The following RXRA variants were observed in gnomAD, a reference collection of about 807,000 sequenced individuals.
The protein encoded by RXRA is retinoic acid receptor RXR-alpha.
Under a neutral mutation model 44.5 loss-of-function variants are expected in RXRA, and 5 were observed. That is an observed-to-expected ratio of 0.11 (90% CI 0.06 to 0.24). The LOEUF (loss-of-function observed/expected upper bound fraction) is 0.24, where lower values mean the gene tolerates loss of function less well. RXRA is among the 10% of genes least tolerant of loss of function. The probability of loss-of-function intolerance (pLI) is 1.00; values close to 1 mark genes in which losing one functional copy is unlikely to be tolerated. For missense variants in RXRA, 412 were observed against 646.5 expected (o/e 0.64, Z 3.93); for synonymous variants, 291 against 271.4 (o/e 1.07, Z -0.71).
At chr9:134,414,124 C>T (rs558722029) in intron 4 of RXRA, among the ~76,000 whole-genome samples, 2 of 152,374 alleles carry the variant, frequency 1.3e-5, no homozygotes, top group South Asian at 2.1e-4. Context: ...ATAAATAAAG[C>T]GATCATATTT....
intron 6 of RXRA, among the ~76,000 whole-genome samples, chr9:134,428,428 C>A (rs955758773): frequency 7.1e-6 from 1 of 140,494 alleles, no homozygotes; most frequent in African/African-American, 2.7e-5. Flanking sequence ...CCCCAGGGAA[C>A]CCCCACTATG....
chr9:134,419,586 C>T (rs536292536), intron 5 of RXRA, among the ~76,000 whole-genome samples: 6 of 152,354 alleles, frequency 3.9e-5, no homozygotes, highest in South Asian at 2.1e-4. Flanking sequence ...CCCAGCGTCA[C>T]GGTCCTGGTG....
At chr9:134,350,587 C>T (rs1380168695) in intron 1 of RXRA, among the ~76,000 whole-genome samples, 1 of 152,210 alleles carries the variant, frequency 6.6e-6, no homozygotes, top group Admixed American at 6.5e-5. Flanking sequence ...GGCCTCTGTG[C>T]TGTGCCCTGT....
At chr9:134,377,826 G>GC (rs1830581433) in intron 1 of RXRA, among the ~76,000 whole-genome samples, 2 of 152,190 alleles carry the variant, frequency 1.3e-5, no homozygotes, top group East Asian at 1.9e-4. Context: ...CCATCTCGCT[G>GC]CCCCCCTCCA....
At chr9:134,416,518 C>CG (rs959275792) in intron 4 of RXRA, among the ~76,000 whole-genome samples, 2 of 152,168 alleles carry the variant, frequency 1.3e-5, no homozygotes, top group African/African-American at 4.8e-5. Context: ...TGGGCCGTCT[C>CG]TGTGTGGCCA....
At chr9:134,424,536 C>T (rs1281519512) in intron 6 of RXRA, 3 of 985,264 alleles carry the variant, frequency 3.0e-6, no homozygotes, top group African/African-American at 1.7e-5. Context: ...CCACTACCCA[C>T]GAGCAGCTGA....
intron 6 of RXRA, 65 bp from the exon 7 acceptor site, chr9:134,429,043 G>C (rs1831484204): frequency 6.3e-7 from 1 of 1,594,254 alleles, no homozygotes; most frequent in South Asian, 1.1e-5. Flanking sequence ...CCCACCAGGG[G>C]CTGGGGAAGG....
intron 7 of RXRA, among the ~76,000 whole-genome samples, chr9:134,429,882 T>C (rs917447421): frequency 6.6e-6 from 1 of 151,352 alleles, no homozygotes; most frequent in Non-Finnish European, 1.5e-5. Context: ...TGTCCCTGTC[T>C]CTGCACAGCC....
intron 1 of RXRA, among the ~76,000 whole-genome samples, chr9:134,364,590 G>A (rs1830391735): frequency 6.6e-6 from 1 of 152,222 alleles, no homozygotes; most frequent in African/African-American, 2.4e-5. Context: ...TGCCCTTCTG[G>A]CCTTGGCCCC....
intron 3 of RXRA, 145 bp from the exon 4 acceptor site, chr9:134,408,795 G>A: frequency 1.3e-6 from 1 of 752,886 alleles, no homozygotes. Context: ...CTGGGGCCCA[G>A]TCTGAGCCCA....
chr9:134,418,380 C>T (rs1327973173), intron 5 of RXRA, among the ~76,000 whole-genome samples: 1 of 152,204 alleles, frequency 6.6e-6, no homozygotes, highest in African/African-American at 2.4e-5. Flanking sequence ...CAGTCTTCAT[C>T]TGTGTCTCCG....
intron 1 of RXRA, among the ~76,000 whole-genome samples, chr9:134,337,535 C>G (rs781989914): frequency 2.6e-5 from 4 of 152,176 alleles, no homozygotes; most frequent in Non-Finnish European, 4.4e-5. Context: ...ATCCCTGACC[C>G]CAGTCTGGGG....
At chr9:134,351,524 C>G (rs782130902) in intron 1 of RXRA, among the ~76,000 whole-genome samples, 4 of 152,244 alleles carry the variant, frequency 2.6e-5, no homozygotes, top group African/African-American at 9.6e-5. Flanking sequence ...CCTCAGGAAA[C>G]GCAATCCCTT....
intron 5 of RXRA, among the ~76,000 whole-genome samples, chr9:134,420,449 C>T (rs976483366): frequency 2.0e-5 from 3 of 152,192 alleles, no homozygotes; most frequent in African/African-American, 4.8e-5. Flanking sequence ...GGATCCCACC[C>T]CTGTGTATAC....
chr9:134,347,258 G>T (rs1554748930), intron 1 of RXRA, among the ~76,000 whole-genome samples: 2 of 152,206 alleles, frequency 1.3e-5, no homozygotes, highest in African/African-American at 4.8e-5. Flanking sequence ...AAGGGCCAAG[G>T]GAAGTAATAA....
chr9:134,429,309 C>T (rs1413225428), intron 7 of RXRA, 69 bp downstream of exon 7: 16 of 1,539,494 alleles, frequency 1.0e-5, no homozygotes, highest in Admixed American at 3.5e-5. Flanking sequence ...TGAGTTCAGC[C>T]ACCTTGGCCC....
chr9:134,388,102 G>A lies in RXRA; in HGVS notation c.29-13530G>A, dbSNP rs75071000. Among the ~76,000 whole-genome samples, 705 of 152,126 alleles carry A rather than the reference G, an allele frequency of 4.6e-3. 5 individuals carry two copies. Among genetic ancestry groups the A allele is most frequent in the African/African-American group, 0.016 (650 of 41,522 alleles). ...TGGTTTACTCATCTGTAAAGTGGGC[G>A]CAGAAGTTTTCCAGGTCAGCTTTCT... On this transcript the variant is annotated intron_variant, in intron 1 of 9. Transcript: ENST00000481739.
chr9:134,425,085 A>G, intron 6 of RXRA: 1 of 985,426 alleles, frequency 1.0e-6, no homozygotes, highest in Non-Finnish European at 1.2e-6. Flanking sequence ...TTCAAGGCCC[A>G]AGGTCTCTGC....
chr9:134,399,390 G>C (rs569163953), intron 1 of RXRA, among the ~76,000 whole-genome samples: 1 of 152,354 alleles, frequency 6.6e-6, no homozygotes, highest in East Asian at 1.9e-4. Context: ...GCAGGAATCA[G>C]TAACATCAGG....
Sources: gnomAD v4.1 joint callset for allele counts (sites outside exome capture counted in the v4.1 genomes callset) on GRCh38, gnomAD v4.1.1 for gene constraint, MANE v1.5 for transcripts, NCBI Gene and HGNC (gene_info 2026-07-23, HGNC 2026-07-21) for gene names.